The following FNDC3B variants were observed in gnomAD, a reference collection of about 807,000 sequenced individuals.
The protein encoded by FNDC3B is fibronectin type III domain containing 3B.
FNDC3B carries 12 observed loss-of-function variants against 151.5 expected under a neutral mutation model. The ratio of observed to expected loss-of-function variants is 0.08; its 90% CI spans 0.05 to 0.13. The LOEUF (loss-of-function observed/expected upper bound fraction) is 0.13. Among genes scored for constraint, FNDC3B ranks in the 10% least tolerant of loss-of-function variants. FNDC3B has a pLI of 1.00. For synonymous variants in FNDC3B, 528 were observed against 549.0 expected (o/e 0.96, Z 0.54); for missense variants, 1,214 against 1,505.3 (o/e 0.81, Z 3.20).
At chr3:172,267,736 A>G (rs1201176183) in intron 6 of FNDC3B, among the ~76,000 whole-genome samples, 1 of 152,214 alleles carries the variant, frequency 6.6e-6, no homozygotes, top group Non-Finnish European at 1.5e-5. Flanking sequence ...GATTGTTTTC[A>G]GGGAGCATGA....
chr3:172,209,610 T>A (rs1316898072), intron 3 of FNDC3B, among the ~76,000 whole-genome samples: 2 of 152,140 alleles, frequency 1.3e-5, no homozygotes, highest in Admixed American at 6.5e-5. Flanking sequence ...AAAAGCACCA[T>A]CCGATTATCC....
At chr3:172,225,226 T>C (rs1726497041) in intron 3 of FNDC3B, among the ~76,000 whole-genome samples, 1 of 152,168 alleles carries the variant, frequency 6.6e-6, no homozygotes, top group Non-Finnish European at 1.5e-5. Context: ...CAGGCTGGAG[T>C]ATGGTGGCTT....
chr3:172,077,232 G>A (rs1718057132), intron 1 of FNDC3B, among the ~76,000 whole-genome samples: 1 of 152,136 alleles, frequency 6.6e-6, no homozygotes, highest in Admixed American at 6.5e-5. Context: ...GTGCTTAGGT[G>A]AAACTGCAGT....
At chr3:172,284,620 G>A (rs1417159868) in intron 6 of FNDC3B, among the ~76,000 whole-genome samples, 5 of 151,146 alleles carry the variant, frequency 3.3e-5, no homozygotes, top group Admixed American at 6.6e-5. Flanking sequence ...AGAGCTGGGC[G>A]TATTAACCCA....
At position 172,230,436 on chromosome 3, in the gene FNDC3B, G is replaced by A. The variant is rs143080331; in HGVS notation, c.264+3489G>A. Among the ~76,000 whole-genome samples, 134 of 151,746 alleles carry A rather than the reference G, an allele frequency of 8.8e-4. 2 individuals carry two copies. The East Asian group carries it at 9.7e-3, about 11-fold the overall frequency. On this transcript the variant is annotated intron_variant, in intron 4 of 25. Transcript: ENST00000415807. ...GGGGAATCACTTGAACCCAGGAGGCGGAGGTTGCAGTGAACTGAGATCGTG... is the reference window on the plus strand; with the variant it reads ...GGGGAATCACTTGAACCCAGGAGGCAGAGGTTGCAGTGAACTGAGATCGTG...
At chr3:172,356,278 T>G (rs1271117500) in intron 22 of FNDC3B, among the ~76,000 whole-genome samples, 6 of 152,176 alleles carry the variant, frequency 3.9e-5, no homozygotes, top group African/African-American at 1.4e-4. Flanking sequence ...CTCTGCAAAC[T>G]TTGGGAAGTT....
chr3:172,290,602 G>A (rs947881832), intron 7 of FNDC3B, among the ~76,000 whole-genome samples: 6 of 152,134 alleles, frequency 3.9e-5, no homozygotes, highest in African/African-American at 9.7e-5. Context: ...GTTTCCATCC[G>A]CGAATGTTTA....
intron 3 of FNDC3B, among the ~76,000 whole-genome samples, chr3:172,197,406 T>C (rs1724894167): frequency 6.6e-6 from 1 of 152,146 alleles, no homozygotes; most frequent in Non-Finnish European, 1.5e-5. Flanking sequence ...CAACCCTGAA[T>C]ATTTGTTGTA....
At position 172,397,762 on chromosome 3, in the gene FNDC3B, T is replaced by C. The variant is rs2108402725; in HGVS notation, c.*287T>C. The C allele has an allele frequency of 4.9e-6, 1 of 203,578 alleles. No homozygotes were observed. Among genetic ancestry groups the C allele is most frequent in the African/African-American group, 2.3e-5 (1 of 43,166 alleles). The allele number at this position is 203,578 out of a possible 1,614,324, so 12.6% of individuals were successfully genotyped here. On this transcript the variant is annotated 3_prime_UTR_variant, in exon 26 of 26. Transcript: ENST00000415807. ...TTTCCTTTAAATTTTCAGATTTACCTTCATTCTGTTTTCACTGATGTCTTT... is the reference window on the plus strand; with the variant it reads ...TTTCCTTTAAATTTTCAGATTTACCCTCATTCTGTTTTCACTGATGTCTTT...
At chr3:172,175,079 CGCTGCTTTTGCTTTCTCT>C (rs1723513690) in intron 3 of FNDC3B, among the ~76,000 whole-genome samples, 1 of 151,738 alleles carries the variant, frequency 6.6e-6, no homozygotes, top group Non-Finnish European at 1.5e-5. Context: ...TTTGCTTTCT[CGCTGCTTTTGCTTTCTCT>C]GCTGCATTCC....
chr3:172,288,741 A>G (rs1018791491), intron 7 of FNDC3B, among the ~76,000 whole-genome samples: 7 of 152,006 alleles, frequency 4.6e-5, no homozygotes, highest in African/African-American at 1.2e-4. Context: ...AAAATACTAC[A>G]CCCTACCTTT....
At chr3:172,230,338 C>CA (rs35470086) in intron 4 of FNDC3B, among the ~76,000 whole-genome samples, 53,913 of 130,062 alleles carry the variant, frequency 0.41, 10,707 homozygotes, top group South Asian at 0.54. Flanking sequence ...ACTAAAAATA[C>CA]AAAAAAAAAA....
intron 23 of FNDC3B, among the ~76,000 whole-genome samples, chr3:172,374,444 C>T (rs1178284266): frequency 2.0e-5 from 3 of 152,102 alleles, no homozygotes; most frequent in South Asian, 2.1e-4. Context: ...TTGCCCAGGC[C>T]GGAGTACAGT....
intron 3 of FNDC3B, among the ~76,000 whole-genome samples, chr3:172,171,836 A>G (rs1305617368): frequency 6.6e-6 from 1 of 151,934 alleles, no homozygotes; most frequent in Non-Finnish European, 1.5e-5. Flanking sequence ...TATAAACAGC[A>G]GATGTGTACA....
At chr3:172,151,286 A>G (rs1318605128) in intron 3 of FNDC3B, among the ~76,000 whole-genome samples, 1 of 152,184 alleles carries the variant, frequency 6.6e-6, no homozygotes, top group Non-Finnish European at 1.5e-5. Context: ...GGTAAAGTCT[A>G]CACTTTGGGT....
chr3:172,373,795 A>G (rs1289567377), intron 23 of FNDC3B, among the ~76,000 whole-genome samples: 1 of 152,210 alleles, frequency 6.6e-6, no homozygotes, highest in Non-Finnish European at 1.5e-5. Flanking sequence ...AAGAAGGAAG[A>G]TTCTCTCTTA....
chr3:172,397,362 A>T lies in FNDC3B; in HGVS notation c.3502A>T (p.Lys1168Ter). 1 of 1,614,214 alleles carries T rather than the reference A, an allele frequency of 6.2e-7. No homozygotes were observed. The highest frequency in any genetic ancestry group is 8.5e-7 in the Non-Finnish European group (1 of 1,180,004). ...GGACATGGGGAGCTTAGATGATCCC[A>T]AAATGAAGAGCATGATGCCTACTGA... Reference protein sequence around the residue: ...TGDMGSLDDPKMKSMMPTDEQ... With the variant: ...TGDMGSLDDP Residue 1168 changes from lysine to a stop codon, truncating the protein, a stop_gained, in exon 26 of 26, where the codon AAA (lysine) becomes TAA (stop). Coordinates refer to ENST00000415807, the MANE Select transcript of FNDC3B (RefSeq NM_022763.4). LOFTEE classifies it high-confidence loss of function.
intron 4 of FNDC3B, among the ~76,000 whole-genome samples, chr3:172,233,808 C>T (rs1727006670): frequency 6.6e-6 from 1 of 152,168 alleles, no homozygotes; most frequent in Non-Finnish European, 1.5e-5. Context: ...CACTCTTGGT[C>T]CTTCAGAGGA....
At chr3:172,139,398 C>T (rs569949563) in intron 3 of FNDC3B, among the ~76,000 whole-genome samples, 16 of 152,266 alleles carry the variant, frequency 1.1e-4, no homozygotes, top group African/African-American at 3.9e-4. Flanking sequence ...ATGGTCTCTC[C>T]CTTTAATACA....
Sources: allele counts gnomAD v4.1 joint callset (sites outside exome capture counted in the v4.1 genomes callset), GRCh38; gene constraint gnomAD v4.1.1; transcripts MANE v1.5; gene names NCBI Gene and HGNC (gene_info 2026-07-23, HGNC 2026-07-21).